The following LDLRAD3 variants were observed in gnomAD, a reference collection of about 807,000 sequenced individuals.
The protein encoded by LDLRAD3 is low density lipoprotein receptor class A domain containing 3, also known as low-density lipoprotein receptor class A domain-containing protein 3.
A neutral mutation model predicts 29.4 loss-of-function variants in LDLRAD3; 20 were observed. The observed-to-expected ratio is 0.68, with a 90% CI of 0.48 to 0.99. The LOEUF (loss-of-function observed/expected upper bound fraction) is 0.99. Ranked by LOEUF, LDLRAD3 falls within the 50% of genes least tolerant of loss-of-function variation. LDLRAD3 has a pLI of 0.00. For missense variants in LDLRAD3, 420 were observed against 454.3 expected, an observed-to-expected ratio of 0.92 and a Z score of 0.69; for synonymous variants, 157 against 192.7, an observed-to-expected ratio of 0.81 and a Z score of 1.53.
chr11:35,947,620 T>C (rs263098), intron 1 of LDLRAD3, among the ~76,000 whole-genome samples: 8,928 of 152,262 alleles, frequency 0.059, 400 homozygotes, highest in African/African-American at 0.12. Flanking sequence ...CTTTGCTCAT[T>C]ACTTTAAGCA....
rs957425569 is a variant in LDLRAD3, at chr11:36,097,316, A to G, written c.320-1011A>G. Reference sequence around the variant, plus strand: ...GGCTGATATATAGTTAGGGAACTGGAAGTATCCTACACGGCTGTGGGATCA... The same window carrying G: ...GGCTGATATATAGTTAGGGAACTGGGAGTATCCTACACGGCTGTGGGATCA... On this transcript the variant is annotated intron_variant, in intron 3 of 5. Coordinates refer to ENST00000315571, the MANE Select transcript of LDLRAD3 (RefSeq NM_174902.4). Among the ~76,000 whole-genome samples, 3 of 152,202 alleles carry G rather than the reference A, an allele frequency of 2.0e-5. No individual in the cohort carries two copies. In the East Asian group the frequency reaches 5.8e-4, roughly 29 times the overall value.
At chr11:36,204,290 A>G (rs1482500490) in intron 4 of LDLRAD3, among the ~76,000 whole-genome samples, 2 of 152,172 alleles carry the variant, frequency 1.3e-5, no homozygotes, top group Non-Finnish European at 1.5e-5. Flanking sequence ...TCTTCCTGCT[A>G]TATCCGGGGC....
At chr11:36,161,159 A>G (rs772458872) in intron 4 of LDLRAD3, among the ~76,000 whole-genome samples, 2 of 152,160 alleles carry the variant, frequency 1.3e-5, no homozygotes, top group Non-Finnish European at 2.9e-5. Context: ...AGGGCTTCCC[A>G]TTCTTTCTGA....
At chr11:35,963,930 G>A (rs1851308542) in intron 1 of LDLRAD3, among the ~76,000 whole-genome samples, 1 of 152,228 alleles carries the variant, frequency 6.6e-6, no homozygotes, top group Admixed American at 6.5e-5. Context: ...GTAATGTGGT[G>A]AGTGGCACAA....
At chr11:36,104,311 C>G (rs747883986) in intron 4 of LDLRAD3, among the ~76,000 whole-genome samples, 1 of 152,200 alleles carries the variant, frequency 6.6e-6, no homozygotes, top group Non-Finnish European at 1.5e-5. Context: ...CCGGCTGACA[C>G]GCCGACTGTA....
chr11:36,018,353 C>T (rs1852049793), intron 1 of LDLRAD3, among the ~76,000 whole-genome samples: 1 of 152,172 alleles, frequency 6.6e-6, no homozygotes, highest in Admixed American at 6.5e-5. Context: ...GTTCCTCAAG[C>T]TCGATCCTGT....
chr11:36,171,689 T>C (rs1171406295), intron 4 of LDLRAD3, among the ~76,000 whole-genome samples: 3 of 152,236 alleles, frequency 2.0e-5, no homozygotes, highest in African/African-American at 7.2e-5. Flanking sequence ...ATGTGCCTGT[T>C]TTTCTACCAG....
intron 2 of LDLRAD3, among the ~76,000 whole-genome samples, chr11:36,078,834 AG>A: frequency 6.6e-6 from 1 of 152,264 alleles, no homozygotes; most frequent in East Asian, 1.9e-4. Context: ...AGTGGCTCCC[AG>A]GGTGGCGGGC....
chr11:36,048,263 C>T (rs1225899542), intron 2 of LDLRAD3, among the ~76,000 whole-genome samples: 2 of 152,178 alleles, frequency 1.3e-5, no homozygotes, highest in African/African-American at 2.4e-5. Flanking sequence ...TTCCCTGAAC[C>T]ATTTTCAGGA....
chr11:35,991,258 C>T (rs1851684969), intron 1 of LDLRAD3, among the ~76,000 whole-genome samples: 1 of 152,156 alleles, frequency 6.6e-6, no homozygotes, highest in Admixed American at 6.6e-5. Context: ...TTCCTTCGGG[C>T]ACTTTTGTCT....
At chr11:36,160,497 A>C (rs768045630) in intron 4 of LDLRAD3, among the ~76,000 whole-genome samples, 28 of 152,148 alleles carry the variant, frequency 1.8e-4, no homozygotes, top group Non-Finnish European at 3.7e-4. Context: ...CTTGCAGCAA[A>C]AAATAAAATA....
rs945080345 is a variant in LDLRAD3 at position 36,213,397 on chromosome 11, TTTAAA to T, written c.455-13682_455-13678del. Among the ~76,000 whole-genome samples, 1 of 152,232 alleles carries T rather than the reference TTTAAA, an allele frequency of 6.6e-6. No individual in the cohort carries two copies. Among genetic ancestry groups the T allele is most frequent in the Non-Finnish European group, 1.5e-5 (1 of 68,030 alleles). On this transcript the variant is annotated intron_variant, in intron 4 of 5. Transcript: ENST00000315571. This position sits in a 1 kb window ranked among gnomAD's most constrained non-coding sequence, Gnocchi z 4.1. The stretch of plus-strand genomic sequence containing the variant: ...GATTCAGTCATTTGCTGGTCTGCCC[TTTAAA>T]TTAAACTTTTTCAATCCGCATCTAA...
chr11:35,961,439 A>G (rs1372720739), intron 1 of LDLRAD3, among the ~76,000 whole-genome samples: 1 of 152,102 alleles, frequency 6.6e-6, no homozygotes, highest in Non-Finnish European at 1.5e-5. Flanking sequence ...TGTGTTCTTT[A>G]CCTGTAAAAG....
intron 1 of LDLRAD3, among the ~76,000 whole-genome samples, chr11:35,959,094 T>C (rs908654285): frequency 6.6e-6 from 1 of 152,202 alleles, no homozygotes; most frequent in Non-Finnish European, 1.5e-5. Context: ...TTTTAGCACA[T>C]GATTCTGGTC....
intron 4 of LDLRAD3, among the ~76,000 whole-genome samples, chr11:36,101,342 A>C (rs920695254): frequency 2.6e-5 from 4 of 152,210 alleles, no homozygotes; most frequent in African/African-American, 7.2e-5. Flanking sequence ...TGCTCTGTAC[A>C]TAGTGGATTT....
chr11:36,116,284 AG>A (rs1853672535), intron 4 of LDLRAD3, among the ~76,000 whole-genome samples: 1 of 152,224 alleles, frequency 6.6e-6, no homozygotes, highest in Admixed American at 6.5e-5. Context: ...ACAGCTGACA[AG>A]GGTTTTCTTT....
intron 1 of LDLRAD3, among the ~76,000 whole-genome samples, chr11:35,955,966 G>A (rs114151659): frequency 0.021 from 3,175 of 152,262 alleles, 126 homozygotes; most frequent in African/African-American, 0.07. Context: ...GCTCACTCAT[G>A]GAAGCTATGG....
chr11:35,997,202 G>A (rs1295152708), intron 1 of LDLRAD3: 1 of 281,656 alleles, frequency 3.6e-6, no homozygotes, highest in African/African-American at 2.3e-5. Flanking sequence ...TTAACTAGCT[G>A]GGGATTCTAC....
At chr11:36,207,314 C>T (rs1257163361) in intron 4 of LDLRAD3, among the ~76,000 whole-genome samples, 3 of 152,068 alleles carry the variant, frequency 2.0e-5, no homozygotes, top group African/African-American at 7.2e-5. Flanking sequence ...GGAACGGAAA[C>T]CACAGTCCTT....
Sources: gnomAD v4.1 joint callset for allele counts (sites outside exome capture counted in the v4.1 genomes callset) on GRCh38, gnomAD v4.1.1 for gene constraint, Gnocchi (gnomAD v3.1) non-coding constraint, MANE v1.5 for transcripts, NCBI Gene and HGNC (gene_info 2026-07-23, HGNC 2026-07-21) for gene names.